The following GRID1 variants were observed in gnomAD, a reference collection of about 807,000 sequenced individuals.
The protein encoded by GRID1 is glutamate receptor ionotropic, delta-1.
Under a neutral mutation model 98.0 loss-of-function variants are expected in GRID1, and 28 were observed. That is an observed-to-expected ratio of 0.29 (90% CI 0.21 to 0.39). The LOEUF is 0.39. Ranked by LOEUF, GRID1 falls within the 10% of genes least tolerant of loss-of-function variation. GRID1 has a pLI of 1.00. For synonymous variants in GRID1, 553 were observed against 538.5 expected, an observed-to-expected ratio of 1.03 and a Z score of -0.37; for missense variants, 1,111 against 1,340.5, an observed-to-expected ratio of 0.83 and a Z score of 2.67.
At chr10:85,995,733 A>G (rs1418694975) in intron 4 of GRID1, among the ~76,000 whole-genome samples, 5 of 152,242 alleles carry the variant, frequency 3.3e-5, no homozygotes, top group Admixed American at 6.5e-5. Context: ...TGCAGCCACA[A>G]AAGTGTGCAG....
intron 4 of GRID1, among the ~76,000 whole-genome samples, chr10:85,976,890 T>G (rs1186326194): frequency 8.5e-5 from 13 of 152,210 alleles, no homozygotes; most frequent in Non-Finnish European, 1.5e-4. Context: ...GGGTGCAGGT[T>G]TACTCCAACC....
chr10:85,602,585 C>T lies in GRID1; in HGVS notation c.2718G>A (p.Gly906=). The T allele has an allele frequency of 6.2e-7, 1 of 1,613,824 alleles. No homozygotes were observed. The highest frequency in any genetic ancestry group is 8.5e-7 in the Non-Finnish European group (1 of 1,179,878). The change falls in exon 16 of 16, where the codon GGG becomes GGA. Residue 906 remains glycine, a synonymous_variant. Coordinates refer to ENST00000327946, the MANE Select transcript of GRID1 (RefSeq NM_017551.3). Reference sequence around the variant, plus strand: ...CCAAGGTCTGGGTGGGAGCCAGGCCCCCCATCTCCAGGGCCGAGAGCTCAA... The same window carrying T: ...CCAAGGTCTGGGTGGGAGCCAGGCCTCCCATCTCCAGGGCCGAGAGCTCAA... ...ASIELSALEM[G]GLAPTQTLEP...
intron 13 of GRID1, among the ~76,000 whole-genome samples, chr10:85,623,542 G>C (rs899770472): frequency 6.6e-6 from 1 of 152,162 alleles, no homozygotes; most frequent in Non-Finnish European, 1.5e-5. Flanking sequence ...ACGGGGGGCT[G>C]GGGGGAGGAC....
intron 5 of GRID1, among the ~76,000 whole-genome samples, chr10:85,906,074 A>G (rs1841456605): frequency 6.6e-6 from 1 of 152,120 alleles, no homozygotes; most frequent in Non-Finnish European, 1.5e-5. Flanking sequence ...TATTATACTA[A>G]CACAAGTCAA....
chr10:86,094,041 A>G (rs1248460406), intron 4 of GRID1, among the ~76,000 whole-genome samples: 2 of 152,380 alleles, frequency 1.3e-5, no homozygotes, highest in East Asian at 3.9e-4. Flanking sequence ...ATGGTTTAAC[A>G]TATGCAAGTC....
At chr10:85,799,756 T>C (rs4031530) in intron 8 of GRID1, among the ~76,000 whole-genome samples, 40,627 of 151,724 alleles carry the variant, frequency 0.27, 6,437 homozygotes, top group African/African-American at 0.43. Flanking sequence ...TTATTGGGTA[T>C]AAAATTAGTT....
chr10:85,803,804 C>A (rs940080135), intron 8 of GRID1, among the ~76,000 whole-genome samples: 2 of 151,812 alleles, frequency 1.3e-5, no homozygotes, highest in Admixed American at 6.6e-5. Context: ...AATGGGGTAT[C>A]CATCACCTCA....
At chr10:86,345,862 G>A (rs1448362561) in intron 2 of GRID1, among the ~76,000 whole-genome samples, 4 of 152,166 alleles carry the variant, frequency 2.6e-5, no homozygotes, top group Admixed American at 6.5e-5. Context: ...TCTATGCCCA[G>A]GGACCCTGGA....
chr10:85,756,961 G>C (rs1381445380), intron 8 of GRID1, among the ~76,000 whole-genome samples: 1 of 152,182 alleles, frequency 6.6e-6, no homozygotes, highest in African/African-American at 2.4e-5. Context: ...TAGTTTTATA[G>C]CTTAAGGATT....
intron 4 of GRID1, among the ~76,000 whole-genome samples, chr10:86,057,187 TAGA>T (rs1211005950): frequency 2.0e-5 from 3 of 151,892 alleles, no homozygotes; most frequent in African/African-American, 7.3e-5. Flanking sequence ...AGAGACAGAG[TAGA>T]AGGAGCATTA....
intron 4 of GRID1, among the ~76,000 whole-genome samples, chr10:86,047,908 G>C (rs893839712): frequency 6.6e-6 from 1 of 152,164 alleles, no homozygotes; most frequent in Admixed American, 6.5e-5. Context: ...GAAGGCATTT[G>C]GATTTTTGTT....
At chr10:85,607,692 G>T (rs988721844) in intron 15 of GRID1, among the ~76,000 whole-genome samples, 6 of 152,138 alleles carry the variant, frequency 3.9e-5, no homozygotes, top group African/African-American at 1.4e-4. Context: ...ACCGAGGAAT[G>T]ACTGAGGCTA....
At chr10:85,832,127 C>A (rs1039794610) in intron 8 of GRID1, among the ~76,000 whole-genome samples, 1 of 152,148 alleles carries the variant, frequency 6.6e-6, no homozygotes, top group South Asian at 2.1e-4. Context: ...TCTTAACAAA[C>A]TGACTCAAGA....
chr10:85,864,040 C>T (rs1381195746), intron 6 of GRID1, among the ~76,000 whole-genome samples: 1 of 152,204 alleles, frequency 6.6e-6, no homozygotes, highest in African/African-American at 2.4e-5. Flanking sequence ...CTGAAGAACC[C>T]AGCTTTCTCT....
chr10:85,981,100 A>G (rs1159793569), intron 4 of GRID1, among the ~76,000 whole-genome samples: 1 of 152,180 alleles, frequency 6.6e-6, no homozygotes, highest in African/African-American at 2.4e-5. Flanking sequence ...GGTAGCTCAC[A>G]GCCCGACAGA....
chr10:85,688,996 T>C (rs1435207417), intron 12 of GRID1, among the ~76,000 whole-genome samples: 1 of 152,234 alleles, frequency 6.6e-6, no homozygotes, highest in African/African-American at 2.4e-5. Flanking sequence ...AGGTTTCATT[T>C]ATCCTCTTGG....
At chr10:85,737,274 G>T (rs1841892231) in intron 8 of GRID1, among the ~76,000 whole-genome samples, 1 of 152,102 alleles carries the variant, frequency 6.6e-6, no homozygotes, top group African/African-American at 2.4e-5. Flanking sequence ...AAAGAAGAGT[G>T]AAATGGAAAG....
rs571242641 is a variant in GRID1, at chr10:86,217,113, C to G, written c.236-10465G>C. On this transcript the variant is annotated intron_variant, in intron 2 of 15. Coordinates refer to ENST00000327946, the MANE Select transcript of GRID1 (RefSeq NM_017551.3). ...TCCCTGGGAAGTGGGTACTACTACCCCATTCTAGACAGGAGGAACAGGAGC... is the reference window on the plus strand; with the variant it reads ...TCCCTGGGAAGTGGGTACTACTACCGCATTCTAGACAGGAGGAACAGGAGC... Among the ~76,000 whole-genome samples the G allele has an allele frequency of 1.1e-3, 166 of 152,260 alleles. No individual in the cohort carries two copies. In the South Asian group the frequency reaches 0.017, roughly 15 times the overall value.
rs1355921645 is a variant in GRID1, at chr10:85,728,037, T to A, written c.1351A>T (p.Met451Leu). The A allele has an allele frequency of 6.2e-7, 1 of 1,612,558 alleles. No homozygotes were observed. The highest frequency in any genetic ancestry group is 1.7e-4 in the Middle Eastern group (1 of 6,060). The change falls in exon 10 of 16, where the codon ATG (methionine) becomes TTG (leucine). Residue 451 changes from methionine (M) to leucine (L), a missense_variant. Met to Leu is a conservative substitution (Grantham distance 15). Coordinates refer to ENST00000327946, the MANE Select transcript of GRID1 (RefSeq NM_017551.3). ...VVTVLEEPFV[M>L]VAENILGQPK... ...TGTCCTAGGATGTTCTCAGCCACCATCACGAAAGGCTCTTCCTGAGGACAA... is the reference window on the plus strand; with the variant it reads ...TGTCCTAGGATGTTCTCAGCCACCAACACGAAAGGCTCTTCCTGAGGACAA...
Sources: gnomAD v4.1 joint callset for allele counts (sites outside exome capture counted in the v4.1 genomes callset) on GRCh38, gnomAD v4.1.1 for gene constraint, MANE v1.5 for transcripts, NCBI Gene and HGNC (gene_info 2026-07-23, HGNC 2026-07-21) for gene names.